The following FUBP3 variants were observed in gnomAD, a reference collection of about 807,000 sequenced individuals.
FUBP3 encodes the protein far upstream element binding protein 3.
Under a neutral mutation model 85.6 loss-of-function variants are expected in FUBP3, and 28 were observed. That is an observed-to-expected ratio of 0.33 (90% confidence interval 0.24 to 0.45). FUBP3 has a LOEUF of 0.45. FUBP3 is among the 20% of genes least tolerant of loss of function. The pLI is 1.00. For synonymous variants in FUBP3, 271 were observed against 271.4 expected, an observed-to-expected ratio of 1.00 and a Z score of 0.01; for missense variants, 583 against 755.1, an observed-to-expected ratio of 0.77 and a Z score of 2.67.
intron 6 of FUBP3, among the ~76,000 whole-genome samples, 179 bp downstream of exon 6, chr9:130,614,524 T>G (rs1287988274): frequency 6.6e-6 from 1 of 152,158 alleles, no homozygotes; most frequent in Admixed American, 6.5e-5. Context: ...TTTGTTACCT[T>G]AAATACACGA....
At chr9:130,602,570 C>G (rs1193815711) in intron 2 of FUBP3, among the ~76,000 whole-genome samples, 1 of 152,092 alleles carries the variant, frequency 6.6e-6, no homozygotes. Flanking sequence ...CCACCAGTCT[C>G]CACTCTGGAA....
chr9:130,630,316 C>T (rs1204093548), intron 12 of FUBP3, among the ~76,000 whole-genome samples: 1 of 152,236 alleles, frequency 6.6e-6, no homozygotes, highest in Non-Finnish European at 1.5e-5. Flanking sequence ...TGTAGACCCA[C>T]AGGCCTCAGC....
At chr9:130,596,191 A>T (rs971079696) in intron 2 of FUBP3, among the ~76,000 whole-genome samples, 2 of 152,210 alleles carry the variant, frequency 1.3e-5, no homozygotes, top group Non-Finnish European at 2.9e-5. Context: ...CAGAGTATCT[A>T]TCAGATGTGT....
chr9:130,636,673 G>A (rs1830432718), intron 18 of FUBP3, among the ~76,000 whole-genome samples: 1 of 152,192 alleles, frequency 6.6e-6, no homozygotes, highest in African/African-American at 2.4e-5. Flanking sequence ...GTTCCCACAG[G>A]GCGCATTTCC....
At chr9:130,592,364 G>A (rs1830662876) in intron 1 of FUBP3, among the ~76,000 whole-genome samples, 1 of 152,208 alleles carries the variant, frequency 6.6e-6, no homozygotes, top group South Asian at 2.1e-4. Flanking sequence ...TCTGAGATGA[G>A]TGTGGCTGTG....
At chr9:130,595,729 T>A in intron 2 of FUBP3, 141 bp downstream of exon 2, 1 of 646,850 alleles carries the variant, frequency 1.5e-6, no homozygotes, top group Non-Finnish European at 2.8e-6. Flanking sequence ...TTTAGGATGA[T>A]TTTTCTCAGC....
chr9:130,629,421 G>A (rs888226700), intron 12 of FUBP3, among the ~76,000 whole-genome samples: 12 of 152,310 alleles, frequency 7.9e-5, no homozygotes, highest in African/African-American at 2.4e-4. Flanking sequence ...CATGTCTCCC[G>A]GCGTCTTTTC....
In FUBP3 at chr9:130,606,027, C is replaced by G. The variant is rs563510168; in HGVS notation, c.191-3927C>G. Among the ~76,000 whole-genome samples the G allele has an allele frequency of 9.5e-4, 145 of 152,304 alleles. 1 individual carries two copies. Among genetic ancestry groups the G allele is most frequent in the Non-Finnish European group, 1.9e-3 (126 of 68,026 alleles). On this transcript the variant is annotated intron_variant, in intron 2 of 18. Transcript: ENST00000319725. The stretch of plus-strand genomic sequence containing the variant: ...AAAAGAGTGACATTATTGAGATAAA[C>G]TTGAATTTACTTTCACTTTTTAAAA...
At chr9:130,601,801 A>ATTTTTTTTTTTTTTTTTTTTT (rs113638192) in intron 2 of FUBP3, among the ~76,000 whole-genome samples, 2 of 117,376 alleles carry the variant, frequency 1.7e-5, no homozygotes, top group East Asian at 2.8e-4. Context: ...ATAATTCCTA[A>ATTTTTTTTTTTTTTTTTTTTT]TTTTTTTTTT....
intron 9 of FUBP3, among the ~76,000 whole-genome samples, chr9:130,622,285 A>G (rs2119097720): frequency 6.8e-6 from 1 of 147,492 alleles, no homozygotes; most frequent in Admixed American, 6.9e-5. Context: ...AGATCGTGCC[A>G]CTGCAGGCTG....
At chr9:130,589,106 T>C (rs1332342113) in intron 1 of FUBP3, among the ~76,000 whole-genome samples, 1 of 151,926 alleles carries the variant, frequency 6.6e-6, no homozygotes, top group Non-Finnish European at 1.5e-5. Context: ...CTAATTGGTA[T>C]AGAGTTCTAG....
chr9:130,607,798 A>G (rs1400076144), intron 2 of FUBP3, among the ~76,000 whole-genome samples: 1 of 152,122 alleles, frequency 6.6e-6, no homozygotes, highest in Non-Finnish European at 1.5e-5. Context: ...GAGGAGGGAG[A>G]TGATTTATCC....
intron 1 of FUBP3, among the ~76,000 whole-genome samples, chr9:130,589,705 A>ATATTTTTTTTTT (rs1414691549): frequency 1.1e-4 from 8 of 73,834 alleles, no homozygotes; most frequent in African/African-American, 5.4e-4. Flanking sequence ...ATATATATAT[A>ATATTTTTTTTTT]TTTTTTTTTT....
chr9:130,613,238 C>A (rs546244123), intron 5 of FUBP3, among the ~76,000 whole-genome samples: 1 of 152,212 alleles, frequency 6.6e-6, no homozygotes, highest in South Asian at 2.1e-4. Flanking sequence ...CTGGGGTAAA[C>A]CCTCCCTCAG....
At chr9:130,581,385 C>G (rs1233261970) in intron 1 of FUBP3, 4 of 152,204 alleles carry the variant, frequency 2.6e-5, no homozygotes, top group African/African-American at 7.2e-5. Flanking sequence ...CTGAAATGCA[C>G]CATTGACTGG....
chr9:130,602,927 C>G (rs1197247853), intron 2 of FUBP3, among the ~76,000 whole-genome samples: 1 of 152,134 alleles, frequency 6.6e-6, no homozygotes, highest in East Asian at 1.9e-4. Flanking sequence ...CGCCCCTTCT[C>G]CCGTTCCCCA....
intron 2 of FUBP3, among the ~76,000 whole-genome samples, chr9:130,606,601 A>AC (rs1386118492): frequency 6.6e-6 from 1 of 152,058 alleles, no homozygotes; most frequent in Non-Finnish European, 1.5e-5. Flanking sequence ...TGGGCGGATC[A>AC]CCTGAGGTCG....
intron 12 of FUBP3, among the ~76,000 whole-genome samples, chr9:130,628,100 ACGCG>A (rs1366237443): frequency 1.0e-5 from 1 of 98,320 alleles, no homozygotes; most frequent in African/African-American, 4.1e-5. Context: ...GCACGCACGC[ACGCG>A]CACACACACA....
At chr9:130,606,740 A>G (rs761503971) in intron 2 of FUBP3, among the ~76,000 whole-genome samples, 5 of 152,006 alleles carry the variant, frequency 3.3e-5, no homozygotes, top group Non-Finnish European at 5.9e-5. Flanking sequence ...GAATCGCTTG[A>G]ACCCAGGAGG....
Sources: allele counts gnomAD v4.1 joint callset (sites outside exome capture counted in the v4.1 genomes callset), GRCh38; gene constraint gnomAD v4.1.1; transcripts MANE v1.5; gene names NCBI Gene and HGNC (gene_info 2026-07-23, HGNC 2026-07-21).